The following TRPS1 variants were observed in gnomAD, a reference collection of about 807,000 sequenced individuals.
TRPS1 encodes zinc finger transcription factor Trps1.
Under a neutral mutation model 101.2 loss-of-function variants are expected in TRPS1, and 6 were observed. That is an observed-to-expected ratio of 0.06 (90% CI 0.03 to 0.12). TRPS1 has a LOEUF of 0.12. Ranked by LOEUF, TRPS1 falls within the 10% of genes least tolerant of loss-of-function variation. The pLI is 1.00. For missense variants in TRPS1, 1,363 were observed against 1,567.0 expected (o/e 0.87, Z 2.20); for synonymous variants, 578 against 589.8 (o/e 0.98, Z 0.29).
rs562469077 is a variant in TRPS1, at chr8:115,457,149, C to A, written c.2701-38697G>T. The stretch of plus-strand genomic sequence containing the variant: ...ACAACGAAAGAAAGTGTGGTGTGCA[C>A]CAAAAACAGTTTTGATAAAAAGAAG... On this transcript the variant is annotated intron_variant, in intron 5 of 6. Transcript: ENST00000395715. 6.6e-5 allele frequency among the ~76,000 whole-genome samples: 10 copies of A among 151,952 alleles called. No homozygotes were observed. The Middle Eastern group carries it at 0.01, about 155-fold the overall frequency.
intron 5 of TRPS1, among the ~76,000 whole-genome samples, chr8:115,579,339 C>T (rs1200016739): frequency 6.6e-6 from 1 of 152,010 alleles, no homozygotes; most frequent in African/African-American, 2.4e-5. Flanking sequence ...AACAGGTATT[C>T]TTGTGTTACC....
chr8:115,498,478 A>G (rs1815222763), intron 5 of TRPS1, among the ~76,000 whole-genome samples: 2 of 134,030 alleles, frequency 1.5e-5, no homozygotes, highest in African/African-American at 5.4e-5. Flanking sequence ...CAACTATAGG[A>G]ATATTTCCAA....
intron 5 of TRPS1, among the ~76,000 whole-genome samples, chr8:115,551,965 C>G (rs1816715413): frequency 6.6e-6 from 1 of 152,146 alleles, no homozygotes; most frequent in African/African-American, 2.4e-5. Context: ...TCTTCTCATT[C>G]TTCGAATCAT....
chr8:115,512,831 G>A (rs1327498545), intron 5 of TRPS1, among the ~76,000 whole-genome samples: 3 of 151,546 alleles, frequency 2.0e-5, no homozygotes, highest in African/African-American at 4.8e-5. Context: ...GTTTACTATT[G>A]CAGAAAAGAC....
intron 1 of TRPS1, among the ~76,000 whole-genome samples, chr8:115,662,650 G>C (rs1811828559): frequency 6.9e-6 from 1 of 143,906 alleles, no homozygotes; most frequent in Admixed American, 7.1e-5. Context: ...AGAAAGTTCT[G>C]TTTGCCTGTG....
chr8:115,542,990 A>G (rs1377974609), intron 5 of TRPS1, among the ~76,000 whole-genome samples: 1 of 152,220 alleles, frequency 6.6e-6, no homozygotes, highest in Non-Finnish European at 1.5e-5. Flanking sequence ...ACTTGCAAAA[A>G]GCAGAGAATC....
At chr8:115,609,102 C>T (rs757272392) in intron 3 of TRPS1, among the ~76,000 whole-genome samples, 30 of 152,294 alleles carry the variant, frequency 2.0e-4, no homozygotes, top group Non-Finnish European at 3.7e-4. Context: ...TTGCCTTGGC[C>T]TCACAAAATG....
chr8:115,484,833 C>G (rs1192113688), intron 5 of TRPS1, among the ~76,000 whole-genome samples: 1 of 152,132 alleles, frequency 6.6e-6, no homozygotes, highest in Non-Finnish European at 1.5e-5. Flanking sequence ...GAATGAAGAA[C>G]ACAATGTTCT....
chr8:115,555,768 CTAAG>C (rs1200911539), intron 5 of TRPS1, among the ~76,000 whole-genome samples: 1 of 152,030 alleles, frequency 6.6e-6, no homozygotes, highest in Non-Finnish European at 1.5e-5. Flanking sequence ...CTCTTCGGGG[CTAAG>C]TGGGCAGATT....
rs1380284299 is a variant in TRPS1, at chr8:115,409,277, A to C, written c.*4746T>G. ...ATATGTTGGGAAAAAAAAAAAAAAAAAAAACAGGGGAAAACCAGAATTGAG... is the reference window on the plus strand; with the variant it reads ...ATATGTTGGGAAAAAAAAAAAAAAACAAAACAGGGGAAAACCAGAATTGAG... On this transcript the variant is annotated 3_prime_UTR_variant, in exon 7 of 7. Coordinates refer to ENST00000395715, the MANE Select transcript of TRPS1 (RefSeq NM_014112.5). The C allele has an allele frequency of 6.7e-6, 1 of 149,828 alleles. No individual in the cohort carries two copies. The highest frequency in any genetic ancestry group is 6.7e-5 in the Admixed American group (1 of 14,922). The allele number at this position is 149,828 out of a possible 1,614,324, so 9.3% of individuals were successfully genotyped here.
intron 5 of TRPS1, among the ~76,000 whole-genome samples, chr8:115,428,414 C>G (rs920821710): frequency 2.0e-5 from 3 of 152,168 alleles, no homozygotes; most frequent in African/African-American, 7.2e-5. Context: ...ACTCCTAACT[C>G]TAAACATTTT....
chr8:115,608,491 T>G (rs114268918), intron 3 of TRPS1, among the ~76,000 whole-genome samples: 1 of 152,194 alleles, frequency 6.6e-6, no homozygotes, highest in East Asian at 1.9e-4. Flanking sequence ...TTATTTGTAT[T>G]TACATCTGCC....
At position 115,438,745 on chromosome 8, in the gene TRPS1, C is replaced by A. The variant is rs933137088; in HGVS notation, c.2701-20293G>T. 2.6e-5 allele frequency among the ~76,000 whole-genome samples: 4 copies of A among 152,214 alleles called. No individual in the cohort carries two copies. The South Asian group carries it at 6.2e-4, about 24-fold the overall frequency. On this transcript the variant is annotated intron_variant, in intron 5 of 6. Transcript: ENST00000395715. Reference sequence around the variant, plus strand: ...TCCCTCCCTCTCCCTGCCCCTCCTGCCTTCCTTCTCCCTCTCCCTCCCTTG... The same window carrying A: ...TCCCTCCCTCTCCCTGCCCCTCCTGACTTCCTTCTCCCTCTCCCTCCCTTG...
At chr8:115,621,731 T>G (rs530574594) in intron 2 of TRPS1, among the ~76,000 whole-genome samples, 3 of 151,984 alleles carry the variant, frequency 2.0e-5, no homozygotes, top group South Asian at 2.1e-4. Context: ...CTGACCAACA[T>G]GGCGAAATTC....
intron 1 of TRPS1, among the ~76,000 whole-genome samples, chr8:115,627,233 T>C (rs1002994989): frequency 6.6e-6 from 1 of 151,706 alleles, no homozygotes; most frequent in Non-Finnish European, 1.5e-5. Flanking sequence ...AAATCCCTGA[T>C]TGGAATAAGA....
chr8:115,475,693 G>A (rs1814587762), intron 5 of TRPS1, among the ~76,000 whole-genome samples: 1 of 137,746 alleles, frequency 7.3e-6, no homozygotes, highest in African/African-American at 3.5e-5. Flanking sequence ...CTATCTCGAC[G>A]ATTACAATTT....
chr8:115,424,510 T>C (rs1813142985), intron 5 of TRPS1, among the ~76,000 whole-genome samples: 1 of 152,196 alleles, frequency 6.6e-6, no homozygotes, highest in Non-Finnish European at 1.5e-5. Flanking sequence ...TCCAGTGGAA[T>C]CTTCTAAAAA....
At chr8:115,557,397 G>A (rs1056827712) in intron 5 of TRPS1, among the ~76,000 whole-genome samples, 1 of 152,096 alleles carries the variant, frequency 6.6e-6, no homozygotes, top group Non-Finnish European at 1.5e-5. Context: ...AATACGGTTT[G>A]GCTATGTCCC....
chr8:115,601,512 A>G (rs1817906988), intron 4 of TRPS1, among the ~76,000 whole-genome samples: 1 of 111,214 alleles, frequency 9.0e-6, no homozygotes, highest in Non-Finnish European at 1.8e-5. Flanking sequence ...ATATCTCTAT[A>G]AGAACTCAGA....
Sources: gnomAD v4.1 joint callset for allele counts (sites outside exome capture counted in the v4.1 genomes callset) on GRCh38, gnomAD v4.1.1 for gene constraint, MANE v1.5 for transcripts, NCBI Gene and HGNC (gene_info 2026-07-23, HGNC 2026-07-21) for gene names.